The following DGKG variants were observed in gnomAD, a reference collection of about 807,000 sequenced individuals.
DGKG encodes diacylglycerol kinase gamma.
Under a neutral mutation model 105.3 loss-of-function variants are expected in DGKG, and 78 were observed. That is an observed-to-expected ratio of 0.74 (90% confidence interval 0.62 to 0.89). The LOEUF is 0.89. DGKG is among the 40% of genes least tolerant of loss of function. DGKG has a pLI of 0.00. For synonymous variants in DGKG, 346 were observed against 367.1 expected (o/e 0.94, Z 0.66); for missense variants, 958 against 1,020.1 (o/e 0.94, Z 0.83).
intron 3 of DGKG, among the ~76,000 whole-genome samples, chr3:186,299,825 CTTTCTTTCTTTCTT>C (rs1369263677): frequency 3.5e-5 from 3 of 85,124 alleles, no homozygotes; most frequent in Admixed American, 1.3e-4. Context: ...TTCTTTCTTT[CTTTCTTTCTTTCTT>C]TTTTTTTTTT....
At chr3:186,197,487 CAATA>C in intron 21 of DGKG, among the ~76,000 whole-genome samples, 1 of 152,072 alleles carries the variant, frequency 6.6e-6, no homozygotes, top group Non-Finnish European at 1.5e-5. Flanking sequence ...GAGAAAGCAC[CAATA>C]AGCCACCCTG....
At chr3:186,330,861 A>T (rs1387129723) in intron 1 of DGKG, among the ~76,000 whole-genome samples, 3 of 152,220 alleles carry the variant, frequency 2.0e-5, no homozygotes, top group Non-Finnish European at 4.4e-5. Context: ...ATGCACAGAA[A>T]CACATAGACG....
chr3:186,224,982 C>T (rs1015967755), intron 20 of DGKG, among the ~76,000 whole-genome samples: 11 of 151,934 alleles, frequency 7.2e-5, no homozygotes, highest in Non-Finnish European at 1.6e-4. Context: ...GGAATTTCCT[C>T]TTTATTTCCA....
intron 1 of DGKG, among the ~76,000 whole-genome samples, chr3:186,347,192 T>A (rs1471555117): frequency 6.6e-6 from 1 of 152,004 alleles, no homozygotes; most frequent in Non-Finnish European, 1.5e-5. Flanking sequence ...CTCACCCCCG[T>A]AATCCTAGCA....
At chr3:186,349,829 C>A (rs981187010) in intron 1 of DGKG, among the ~76,000 whole-genome samples, 1 of 151,892 alleles carries the variant, frequency 6.6e-6, no homozygotes, top group African/African-American at 2.4e-5. Flanking sequence ...GCGTACAGTT[C>A]AGTGTCATTA....
intron 21 of DGKG, among the ~76,000 whole-genome samples, chr3:186,202,277 T>C (rs1389075904): frequency 6.6e-6 from 1 of 152,268 alleles, no homozygotes; most frequent in Non-Finnish European, 1.5e-5. Context: ...TTGTAGATTC[T>C]ATGACCTTCT....
At chr3:186,275,103 T>A (rs1722517074) in intron 10 of DGKG, among the ~76,000 whole-genome samples, 1 of 152,204 alleles carries the variant, frequency 6.6e-6, no homozygotes, top group African/African-American at 2.4e-5. Flanking sequence ...GGTCTTAAAC[T>A]ACAGGCCTCA....
chr3:186,153,912 C>A (rs748736763), intron 24 of DGKG, among the ~76,000 whole-genome samples: 2 of 152,152 alleles, frequency 1.3e-5, no homozygotes, highest in Non-Finnish European at 2.9e-5. Flanking sequence ...CAAGACCAGC[C>A]TGGGGAACAT....
At position 186,355,204 on chromosome 3, in the gene DGKG, C is replaced by CAACA. The variant is rs1377000803; in HGVS notation, c.-249+6738_-249+6741dup. Reference sequence around the variant, plus strand: ...TCACCACCACCATCAATACCACCACCAACACCACTATCGTCAACTCCCCAC... The same window carrying CAACA: ...TCACCACCACCATCAATACCACCACCAACAAACACCACTATCGTCAACTCCCCAC... On this transcript the variant is annotated intron_variant, in intron 1 of 24. Coordinates refer to ENST00000265022, the MANE Select transcript of DGKG (RefSeq NM_001346.3). Among the ~76,000 whole-genome samples, 3 of 152,238 alleles carry CAACA rather than the reference C, an allele frequency of 2.0e-5. No individual in the cohort carries two copies. In the South Asian group the frequency reaches 6.2e-4, roughly 32 times the overall value.
intron 20 of DGKG, among the ~76,000 whole-genome samples, chr3:186,214,161 G>A (rs922475971): frequency 1.3e-5 from 2 of 152,188 alleles, no homozygotes; most frequent in Non-Finnish European, 2.9e-5. Flanking sequence ...GCTAATAAAG[G>A]TTAAGAGGTC....
intron 9 of DGKG, 101 bp from the exon 10 acceptor site, chr3:186,275,765 A>G (rs544226812): frequency 1.4e-6 from 1 of 725,110 alleles, no homozygotes; most frequent in South Asian, 2.2e-5. Flanking sequence ...CTCATTTAGA[A>G]GATGAGTTAT....
intron 22 of DGKG, among the ~76,000 whole-genome samples, chr3:186,176,992 G>T (rs1270837928): frequency 6.6e-6 from 1 of 152,188 alleles, no homozygotes; most frequent in Non-Finnish European, 1.5e-5. Context: ...TGGTTTTTGG[G>T]GAGGGAGGAA....
At chr3:186,182,498 A>C (rs1717406004) in intron 22 of DGKG, among the ~76,000 whole-genome samples, 1 of 152,132 alleles carries the variant, frequency 6.6e-6, no homozygotes, top group Non-Finnish European at 1.5e-5. Context: ...CTAATCCATG[A>C]CTGGTGCTGA....
At position 186,261,778 on chromosome 3, in the gene DGKG, A is replaced by G; in HGVS notation, c.1270T>C (p.Tyr424His). 6.3e-7 allele frequency: 1 copy of G among 1,592,414 alleles called. No homozygotes were observed. Among genetic ancestry groups the G allele is most frequent in the Non-Finnish European group, 8.6e-7 (1 of 1,167,922 alleles). The part of the protein sequence containing the change: ...VSAKGELVMQ[Y>H]KIIPTPGTHP... ...GTACCCGGGGTGGGGATGATCTTAT[A>G]CTTGAAAGGTAAAAGAAAAAGAAAT... Residue 424 changes from tyrosine to histidine, a missense_variant and splice_region_variant, in exon 15 of 25, where the codon TAT becomes CAT. Physicochemically the swap from Tyr to His is moderately conservative, Grantham distance 83 (BLOSUM62 2). Transcript: ENST00000265022.
intron 20 of DGKG, among the ~76,000 whole-genome samples, chr3:186,220,871 G>A (rs1188340119): frequency 5.9e-5 from 9 of 152,122 alleles, no homozygotes; most frequent in African/African-American, 1.2e-4. Context: ...GTGTTTCTGC[G>A]GACCAAGGAC....
intron 2 of DGKG, among the ~76,000 whole-genome samples, chr3:186,313,008 T>C (rs73180370): frequency 2.8e-4 from 43 of 152,364 alleles, no homozygotes; most frequent in Admixed American, 5.2e-4. Context: ...GAAAGATCTA[T>C]TGAATAAATG....
chr3:186,359,487 A>G (rs1727128176), intron 1 of DGKG, among the ~76,000 whole-genome samples: 1 of 152,162 alleles, frequency 6.6e-6, no homozygotes. Flanking sequence ...CAGCAACCAT[A>G]CTTTTGAGTC....
At chr3:186,350,610 G>A (rs56270642) in intron 1 of DGKG, among the ~76,000 whole-genome samples, 15,691 of 152,168 alleles carry the variant, frequency 0.1, 912 homozygotes, top group Middle Eastern at 0.16. Context: ...ATACCCAGAT[G>A]TGTGATTACT....
At chr3:186,183,807 C>A (rs1050585283) in intron 22 of DGKG, among the ~76,000 whole-genome samples, 2 of 151,928 alleles carry the variant, frequency 1.3e-5, no homozygotes, top group African/African-American at 4.8e-5. Context: ...CAGGTTCAAG[C>A]GATTGTCCTG....
Sources: allele counts gnomAD v4.1 joint callset (sites outside exome capture counted in the v4.1 genomes callset), GRCh38; gene constraint gnomAD v4.1.1; transcripts MANE v1.5; gene names NCBI Gene and HGNC (gene_info 2026-07-23, HGNC 2026-07-21).